The following RUNDC3B variants were observed in gnomAD, a reference collection of about 807,000 sequenced individuals.
The protein encoded by RUNDC3B is RUN domain containing 3B.
Under a neutral mutation model 58.4 loss-of-function variants are expected in RUNDC3B, and 33 were observed. That is an observed-to-expected ratio of 0.56 (90% CI 0.43 to 0.75). The LOEUF is 0.75. RUNDC3B is among the 30% of genes least tolerant of loss of function. RUNDC3B has a pLI of 0.00. For synonymous variants in RUNDC3B, 193 were observed against 195.2 expected (o/e 0.99, Z 0.10); for missense variants, 501 against 535.7 (o/e 0.94, Z 0.64).
intron 4 of RUNDC3B, among the ~76,000 whole-genome samples, chr7:87,731,689 T>C (rs921709163): frequency 6.6e-6 from 1 of 152,178 alleles, no homozygotes; most frequent in African/African-American, 2.4e-5. Flanking sequence ...AATATAATGA[T>C]AAAGGGGTCA....
chr7:87,638,298 G>A (rs745734862), intron 1 of RUNDC3B, among the ~76,000 whole-genome samples: 1 of 151,382 alleles, frequency 6.6e-6, no homozygotes, highest in Non-Finnish European at 1.5e-5. Context: ...GTCTGGTTTT[G>A]TCATTAAGAT....
intron 1 of RUNDC3B, among the ~76,000 whole-genome samples, chr7:87,631,878 T>A (rs773497790): frequency 6.6e-6 from 1 of 152,210 alleles, no homozygotes; most frequent in Non-Finnish European, 1.5e-5. Context: ...GACTAGATCA[T>A]TGTTAACCTT....
At chr7:87,797,588 G>T (rs1160317938) in intron 8 of RUNDC3B, among the ~76,000 whole-genome samples, 1 of 152,072 alleles carries the variant, frequency 6.6e-6, no homozygotes, top group Non-Finnish European at 1.5e-5. Context: ...ATTAATTAGG[G>T]TTTGTAATGG....
At chr7:87,643,758 C>T (rs1375384033) in intron 1 of RUNDC3B, among the ~76,000 whole-genome samples, 3 of 152,000 alleles carry the variant, frequency 2.0e-5, no homozygotes, top group Admixed American at 6.6e-5. Flanking sequence ...AACTCCTGAG[C>T]TCAGGCAATC....
Position 87,681,127 on chromosome 7 carries a change from A to G in RUNDC3B, c.239-19294A>G, listed in dbSNP as rs185710875. Among the ~76,000 whole-genome samples, 915 of 150,770 alleles carry G rather than the reference A, an allele frequency of 6.1e-3. 87 individuals carry two copies. Among genetic ancestry groups the G allele is most frequent in the Admixed American group, 0.058 (878 of 15,100 alleles). ...ATTTCTTGAAAGACAAATCCTAACA[A>G]AACTCATAAAGAAGTAGATAACACA... On this transcript the variant is annotated intron_variant, in intron 2 of 10. Transcript: ENST00000394654.
intron 10 of RUNDC3B, among the ~76,000 whole-genome samples, chr7:87,825,147 G>T (rs951074954): frequency 6.6e-6 from 1 of 152,012 alleles, no homozygotes; most frequent in African/African-American, 2.4e-5. Context: ...GCGTGAACCT[G>T]GGAGGTGGAG....
chr7:87,648,413 A>T (rs912612693), intron 1 of RUNDC3B, among the ~76,000 whole-genome samples: 4 of 152,110 alleles, frequency 2.6e-5, no homozygotes, highest in Admixed American at 2.0e-4. Context: ...TCCCAGAGGA[A>T]GTGACACTGA....
chr7:87,756,139 A>G (rs1833358438), intron 6 of RUNDC3B, among the ~76,000 whole-genome samples: 1 of 152,060 alleles, frequency 6.6e-6, no homozygotes, highest in Admixed American at 6.6e-5. Context: ...TTTTTTAATG[A>G]GAATTTTGGT....
At chr7:87,694,750 G>T (rs1029782414) in intron 2 of RUNDC3B, among the ~76,000 whole-genome samples, 3 of 151,960 alleles carry the variant, frequency 2.0e-5, no homozygotes, top group Non-Finnish European at 4.4e-5. Flanking sequence ...TAATAATGCT[G>T]GTGGAAGGGA....
At chr7:87,749,795 C>T (rs1323646779) in intron 6 of RUNDC3B, among the ~76,000 whole-genome samples, 4 of 151,946 alleles carry the variant, frequency 2.6e-5, no homozygotes, top group Non-Finnish European at 5.9e-5. Flanking sequence ...CTGCTAGAAA[C>T]ATTCTTAACA....
Position 87,652,660 on chromosome 7 carries a change from A to T in RUNDC3B, c.238+1723A>T, listed in dbSNP as rs540123679. 2.7e-5 allele frequency among the ~76,000 whole-genome samples: 4 copies of T among 148,106 alleles called. No homozygotes were observed. In the South Asian group the frequency reaches 8.4e-4, roughly 31 times the overall value. Reference sequence around the variant, plus strand: ...TATATATATATAGTAGGAAGTATGAAATAATCTGTAACTTTTGAGATGAGG... The same window carrying T: ...TATATATATATAGTAGGAAGTATGATATAATCTGTAACTTTTGAGATGAGG... On this transcript the variant is annotated intron_variant, in intron 2 of 10. Coordinates refer to ENST00000394654, the MANE Select transcript of RUNDC3B (RefSeq NM_001134405.2).
chr7:87,811,459 G>A (rs1297943745), intron 9 of RUNDC3B, among the ~76,000 whole-genome samples: 29 of 151,682 alleles, frequency 1.9e-4, no homozygotes, highest in African/African-American at 5.6e-4. Flanking sequence ...TCAGCCTCCC[G>A]AGTAGCTGGG....
At chr7:87,797,140 G>A (rs1051235608) in intron 8 of RUNDC3B, among the ~76,000 whole-genome samples, 7 of 152,122 alleles carry the variant, frequency 4.6e-5, no homozygotes, top group Non-Finnish European at 1.5e-5. Context: ...CTGTAAAGGA[G>A]CAGAGTTTAA....
At chr7:87,683,591 A>T (rs758006255) in intron 2 of RUNDC3B, among the ~76,000 whole-genome samples, 7 of 152,198 alleles carry the variant, frequency 4.6e-5, no homozygotes, top group Non-Finnish European at 8.8e-5. Context: ...AGCATTCAGA[A>T]CACACACATT....
At chr7:87,665,544 T>G (rs1052445956) in intron 2 of RUNDC3B, among the ~76,000 whole-genome samples, 2 of 152,134 alleles carry the variant, frequency 1.3e-5, no homozygotes, top group South Asian at 4.1e-4. Context: ...CAGTATTTCC[T>G]TTTTTAAACT....
intron 7 of RUNDC3B, among the ~76,000 whole-genome samples, chr7:87,773,409 A>C (rs1362531795): frequency 6.6e-6 from 1 of 152,112 alleles, no homozygotes; most frequent in Non-Finnish European, 1.5e-5. Context: ...TATCCATGAA[A>C]AATATGAAGC....
chr7:87,754,786 A>G (rs1490675705), intron 6 of RUNDC3B, among the ~76,000 whole-genome samples: 2 of 152,130 alleles, frequency 1.3e-5, no homozygotes, highest in African/African-American at 4.8e-5. Context: ...AAAAATAACT[A>G]TGAATACCTC....
intron 1 of RUNDC3B, chr7:87,629,267 A>G (rs1002262057): frequency 3.8e-6 from 1 of 265,026 alleles, no homozygotes; most frequent in Non-Finnish European, 7.1e-6. Flanking sequence ...GAGCTCTTTC[A>G]TTTAATGCCC....
At chr7:87,754,240 C>A (rs538943176) in intron 6 of RUNDC3B, among the ~76,000 whole-genome samples, 3 of 152,198 alleles carry the variant, frequency 2.0e-5, no homozygotes, top group Non-Finnish European at 4.4e-5. Flanking sequence ...ACCAAACACA[C>A]TCTTGGACCA....
Sources: gnomAD v4.1 joint callset for allele counts (sites outside exome capture counted in the v4.1 genomes callset) on GRCh38, gnomAD v4.1.1 for gene constraint, MANE v1.5 for transcripts, NCBI Gene and HGNC (gene_info 2026-07-23, HGNC 2026-07-21) for gene names.